The following FBXO10 variants were observed in gnomAD, a reference collection of about 807,000 sequenced individuals.
FBXO10 encodes the protein F-box protein 10.
Under a neutral mutation model 80.7 loss-of-function variants are expected in FBXO10, and 39 were observed. That is an observed-to-expected ratio of 0.48 (90% CI 0.37 to 0.63). The LOEUF (loss-of-function observed/expected upper bound fraction) is 0.63. FBXO10 is among the 30% of genes least tolerant of loss of function. FBXO10 has a pLI of 0.00. For synonymous variants in FBXO10, 449 were observed against 489.6 expected (o/e 0.92, Z 1.09); for missense variants, 1,025 against 1,269.0 (o/e 0.81, Z 2.92).
At chr9:37,576,120 G>T (rs1188545696) in intron 1 of FBXO10, 91 bp downstream of exon 1, 2 of 152,296 alleles carry the variant, frequency 1.3e-5, no homozygotes, top group African/African-American at 4.8e-5. Context: ...ACTGAGCGGC[G>T]CCTCCTGGGT....
chr9:37,525,902 A>G (rs1052338488), intron 5 of FBXO10, among the ~76,000 whole-genome samples: 1 of 151,986 alleles, frequency 6.6e-6, no homozygotes, highest in Non-Finnish European at 1.5e-5. Flanking sequence ...TTTTTTGTTT[A>G]AGACATGGGT....
chr9:37,528,660 A>G (rs1821536961), intron 5 of FBXO10, among the ~76,000 whole-genome samples: 1 of 152,180 alleles, frequency 6.6e-6, no homozygotes. Flanking sequence ...GGGATGGCAG[A>G]CAGGGTCCCA....
chr9:37,522,840 C>T lies in FBXO10; in HGVS notation c.1915G>A (p.Gly639Arg). 1 of 1,552,234 alleles carries T rather than the reference C, an allele frequency of 6.4e-7. No individual in the cohort carries two copies. Among genetic ancestry groups the T allele is most frequent in the Middle Eastern group, 1.7e-4 (1 of 5,994 alleles). The change falls in exon 7 of 11, where the codon GGA (glycine) becomes AGA (arginine). Residue 639 changes from glycine (G) to arginine (R), a missense_variant. By Grantham distance (125) the Gly-to-Arg change is moderately radical. This residue lies in a region of FBXO10 where 478 missense variants were observed against 667.8 expected (regional missense o/e 0.72). Transcript: ENST00000432825. The stretch of plus-strand genomic sequence containing the variant: ...AGCTCCTCACCGTAGATGGTATTTC[C>T]TTCTATGAGGCCTTTGCCTTCGTCT... ...VGDEGKGLIE[G>R]NTIYANKGCG...
In FBXO10 at chr9:37,541,452, T is replaced by C; in HGVS notation, c.317A>G (p.Glu106Gly). 1 of 1,613,940 alleles carries C rather than the reference T, an allele frequency of 6.2e-7. No homozygotes were observed. ...TGGCCCAACACTCAGGGTACGTCGT[T>C]CCCTCCTCCGGCGGAATAGAGAAAA... ...ICFSLFRRRRERRTLSVGPGR... is the reference protein window; with the variant it reads ...ICFSLFRRRRGRRTLSVGPGR... Residue 106 changes from glutamate (E) to glycine (G), a missense_variant, in exon 2 of 11, where the codon GAA becomes GGA. This residue lies in a region of FBXO10 where 450 missense variants were observed against 499.4 expected (regional missense o/e 0.90). Coordinates refer to ENST00000432825, the MANE Select transcript of FBXO10 (RefSeq NM_012166.3).
In FBXO10 at chr9:37,537,809, C is replaced by T. The variant is rs1554759625; in HGVS notation, c.720G>A (p.Leu240=). 2 of 1,613,980 alleles carry T rather than the reference C, an allele frequency of 1.2e-6. No homozygotes were observed. Among genetic ancestry groups the T allele is most frequent in the Admixed American group, 3.3e-5 (2 of 60,026 alleles). The stretch of plus-strand genomic sequence containing the variant: ...CAAATTCACAGTTTTCCAGGACACA[C>T]AGGGGCACGTTGTGCAGGAAGATAT... ...NTHIFLHNVP[L]CVLENCEFVG... Residue 240 remains leucine (L), a synonymous_variant, in exon 3 of 11, where the codon CTG becomes CTA. Transcript: ENST00000432825.
chr9:37,564,575 C>A lies in FBXO10; in HGVS notation c.-7+11636G>T, dbSNP rs374351498. Among the ~76,000 whole-genome samples the A allele has an allele frequency of 1.3e-3, 203 of 152,342 alleles. 1 individual carries two copies. Among genetic ancestry groups the A allele is most frequent in the South Asian group, 0.011 (52 of 4,826 alleles). On this transcript the variant is annotated intron_variant, in intron 1 of 10. Transcript: ENST00000432825. ...GGAGCTGCCCAAGGCTGGGAGCCCA[C>A]CTTTTGCATCAGCATAACCTGGATA...
At chr9:37,520,427 TG>T (rs1821308348) in intron 8 of FBXO10, among the ~76,000 whole-genome samples, 1 of 149,656 alleles carries the variant, frequency 6.7e-6, no homozygotes, top group Non-Finnish European at 1.5e-5. Context: ...CTTGAACTCC[TG>T]GGCTCAAGCG....
In FBXO10 at chr9:37,512,460, G is replaced by A; in HGVS notation, c.*87C>T. On this transcript the variant is annotated 3_prime_UTR_variant, in exon 11 of 11. Coordinates refer to ENST00000432825, the MANE Select transcript of FBXO10 (RefSeq NM_012166.3). ...GGACCCATTTGTTCGAGGGGGAGGGGGAGGGGCGGAGTCTTTTCAGGCAGT... is the reference window on the plus strand; with the variant it reads ...GGACCCATTTGTTCGAGGGGGAGGGAGAGGGGCGGAGTCTTTTCAGGCAGT... 6.9e-7 allele frequency: 1 copy of A among 1,456,322 alleles called. No homozygotes were observed. The highest frequency in any genetic ancestry group is 2.3e-5 in the East Asian group (1 of 43,440). The allele number at this position is 1,456,322 out of a possible 1,614,324, so 90.2% of individuals were successfully genotyped here.
At chr9:37,521,267 C>T (rs1282225647) in intron 8 of FBXO10, among the ~76,000 whole-genome samples, 6 of 151,082 alleles carry the variant, frequency 4.0e-5, no homozygotes, top group East Asian at 1.9e-4. Flanking sequence ...GCCGCCCCAC[C>T]GTCTGGGAAG....
chr9:37,567,405 A>G (rs1050675922), intron 1 of FBXO10, among the ~76,000 whole-genome samples: 1 of 151,806 alleles, frequency 6.6e-6, no homozygotes, highest in Non-Finnish European at 1.5e-5. Context: ...TCAGCCTCCC[A>G]AAGTGCTGGG....
chr9:37,533,197 A>G (rs1016197207), intron 3 of FBXO10, among the ~76,000 whole-genome samples: 3 of 152,230 alleles, frequency 2.0e-5, no homozygotes, highest in Admixed American at 1.3e-4. Flanking sequence ...TTCTGCATCC[A>G]TGGATTCAAC....
intron 1 of FBXO10, among the ~76,000 whole-genome samples, chr9:37,560,303 G>C (rs1356215408): frequency 3.9e-5 from 6 of 152,186 alleles, no homozygotes; most frequent in Admixed American, 6.5e-5. Flanking sequence ...CAAGCCACCT[G>C]ACGTAGAAAC....
intron 8 of FBXO10, among the ~76,000 whole-genome samples, chr9:37,521,227 C>T (rs964579309): frequency 2.8e-4 from 43 of 151,710 alleles, no homozygotes; most frequent in African/African-American, 9.4e-4. Context: ...GCGGCCGCAC[C>T]GTCTCAAAAA....
At chr9:37,544,733 G>A (rs569731422) in intron 1 of FBXO10, among the ~76,000 whole-genome samples, 8 of 152,228 alleles carry the variant, frequency 5.3e-5, no homozygotes, top group South Asian at 2.1e-4. Context: ...GGTGGCTCAC[G>A]CCTGTAATCC....
At chr9:37,528,339 C>A (rs1457293701) in intron 5 of FBXO10, among the ~76,000 whole-genome samples, 2 of 152,186 alleles carry the variant, frequency 1.3e-5, no homozygotes, top group African/African-American at 4.8e-5. Flanking sequence ...ATTCTGGGAC[C>A]ATCCCAATTT....
chr9:37,522,826 G>A lies in FBXO10; in HGVS notation c.1929C>T (p.Tyr643=), dbSNP rs758186106. 2.3e-5 allele frequency: 35 copies of A among 1,551,762 alleles called. No homozygotes were observed. Among genetic ancestry groups the A allele is most frequent in the Middle Eastern group, 1.7e-4 (1 of 6,008 alleles). ...GKGLIEGNTI[Y]ANKGCGVWMM... ...CTGGGTTGGGAACAAGCTCCTCACC[G>A]TAGATGGTATTTCCTTCTATGAGGC... Residue 643 remains tyrosine (Y), a splice_region_variant and synonymous_variant, in exon 7 of 11, where the codon TAC becomes TAT. Coordinates refer to ENST00000432825, the MANE Select transcript of FBXO10 (RefSeq NM_012166.3).
At chr9:37,527,740 T>C (rs1477208681) in intron 5 of FBXO10, among the ~76,000 whole-genome samples, 1 of 152,188 alleles carries the variant, frequency 6.6e-6, no homozygotes, top group Non-Finnish European at 1.5e-5. Context: ...ATGTTGTATA[T>C]CACTGCCCCC....
chr9:37,530,003 G>A (rs1010774790), intron 4 of FBXO10, among the ~76,000 whole-genome samples: 3 of 152,042 alleles, frequency 2.0e-5, no homozygotes, highest in South Asian at 4.1e-4. Context: ...CTCTTTGTGC[G>A]AATGGGAAAA....
In FBXO10 at chr9:37,546,141, C is replaced by G. The variant is rs116353857; in HGVS notation, c.-6-4367G>C. ...AGCCAGAACAAGAGCAAAACTCCATCTAAAAAAAAAAAAGACTGTGATTTT... is the reference window on the plus strand; with the variant it reads ...AGCCAGAACAAGAGCAAAACTCCATGTAAAAAAAAAAAAGACTGTGATTTT... On this transcript the variant is annotated intron_variant, in intron 1 of 10. Transcript: ENST00000432825. Among the ~76,000 whole-genome samples, 456 of 148,748 alleles carry G rather than the reference C, an allele frequency of 3.1e-3. 2 individuals are homozygous for G. Among genetic ancestry groups the G allele is most frequent in the African/African-American group, 0.01 (421 of 40,486 alleles).
Sources: allele counts gnomAD v4.1 joint callset (sites outside exome capture counted in the v4.1 genomes callset), GRCh38; gene constraint gnomAD v4.1.1; regional missense constraint gnomAD v4.1.1; transcripts MANE v1.5; gene names NCBI Gene and HGNC (gene_info 2026-07-23, HGNC 2026-07-21).